The following LIPC variants were observed in gnomAD, a reference collection of about 807,000 sequenced individuals.
The protein encoded by LIPC is hepatic triacylglycerol lipase.
A neutral mutation model predicts 50.7 loss-of-function variants in LIPC; 44 were observed. That is an observed-to-expected ratio of 0.87 (90% CI 0.68 to 1.11). The LOEUF (loss-of-function observed/expected upper bound fraction) is 1.11, where lower values mean the gene tolerates loss of function less well. Ranked by LOEUF, LIPC falls within the 50% of genes most tolerant of loss-of-function variation. The pLI is 0.00. For synonymous variants in LIPC, 271 were observed against 256.4 expected (o/e 1.06, Z -0.54); for missense variants, 697 against 648.2 (o/e 1.08, Z -0.82).
chr15:58,519,938 A>G (rs889811523), intron 1 of LIPC, among the ~76,000 whole-genome samples: 3 of 152,110 alleles, frequency 2.0e-5, no homozygotes. Flanking sequence ...GCTCCTTGCT[A>G]TCTTTTATTC....
intron 1 of LIPC, among the ~76,000 whole-genome samples, chr15:58,510,127 T>C (rs568535409): frequency 6.6e-6 from 1 of 152,346 alleles, no homozygotes; most frequent in East Asian, 1.9e-4. Context: ...AACATGGTGC[T>C]AGGTACTGGG....
intron 1 of LIPC, among the ~76,000 whole-genome samples, chr15:58,482,567 A>G (rs1361944617): frequency 6.6e-6 from 1 of 152,148 alleles, no homozygotes; most frequent in African/African-American, 2.4e-5. Context: ...GTCCATGAAA[A>G]GCATATGGGT....
chr15:58,497,232 C>A (rs1429657568), intron 1 of LIPC, among the ~76,000 whole-genome samples: 1 of 152,144 alleles, frequency 6.6e-6, no homozygotes, highest in Non-Finnish European at 1.5e-5. Flanking sequence ...TCACCCCCGA[C>A]CGAATGACAA....
intron 1 of LIPC, among the ~76,000 whole-genome samples, chr15:58,506,843 A>G (rs947320599): frequency 4.6e-5 from 7 of 152,232 alleles, no homozygotes; most frequent in Non-Finnish European, 1.0e-4. Context: ...ACCCGAGACT[A>G]GGAAATTTAT....
chr15:58,449,837 C>A (rs1308305234), intron 1 of LIPC, among the ~76,000 whole-genome samples: 1 of 152,176 alleles, frequency 6.6e-6, no homozygotes. Context: ...AGCCACCATG[C>A]CCGGCCTTGG....
At position 58,533,113 on chromosome 15, in the gene LIPC, AG is replaced by A. The variant is rs1423303206; in HGVS notation, c.89-5219del. On this transcript the variant is annotated intron_variant, in intron 1 of 8. Transcript: ENST00000299022. ...TTAATATTCCTCCTCCTAAAACCAC[AG>A]TATCATCCCCAGATTCTTATCACTG... 5.1e-6 allele frequency: 5 copies of A among 972,518 alleles called. No individual in the cohort carries two copies. In the African/African-American group the frequency reaches 8.8e-5, roughly 17 times the overall value. The allele number at this position is 972,518 out of a possible 1,614,324, so 60.2% of individuals were successfully genotyped here.
intron 1 of LIPC, among the ~76,000 whole-genome samples, chr15:58,502,509 C>CTTTT (rs11332551): frequency 2.8e-5 from 4 of 144,534 alleles, no homozygotes; most frequent in East Asian, 2.0e-4. Flanking sequence ...GTAATTTTCT[C>CTTTT]TTTTTTTTTT....
chr15:58,550,580 G>A (rs1396063749), intron 6 of LIPC, among the ~76,000 whole-genome samples: 11 of 152,056 alleles, frequency 7.2e-5, no homozygotes, highest in African/African-American at 2.4e-4. Context: ...TCATCCATCC[G>A]TATATTCTTC....
chr15:58,501,543 G>C (rs1891985674), intron 1 of LIPC, among the ~76,000 whole-genome samples: 1 of 152,062 alleles, frequency 6.6e-6, no homozygotes, highest in Admixed American at 6.6e-5. Context: ...TGGGGAGGGA[G>C]AAAAGGGAAA....
intron 6 of LIPC, among the ~76,000 whole-genome samples, chr15:58,553,704 A>G (rs1322512590): frequency 6.6e-6 from 1 of 152,214 alleles, no homozygotes; most frequent in Non-Finnish European, 1.5e-5. Context: ...CCACGAAAAT[A>G]CCGACACATA....
Position 58,542,492 on chromosome 15 carries a change from A to G in LIPC, c.457-42A>G, listed in dbSNP as rs770594015. On this transcript the variant is annotated intron_variant, in intron 3 of 8. Coordinates refer to ENST00000299022, the MANE Select transcript of LIPC (RefSeq NM_000236.3). The stretch of plus-strand genomic sequence containing the variant: ...ACTGGACCGCAAAAGGCTTTCATCC[A>G]GGCAGCTCTTCTCCTGCCCCCATCC... The G allele has an allele frequency of 3.8e-6, 5 of 1,303,090 alleles. No individual in the cohort carries two copies. In the Admixed American group the frequency reaches 8.4e-5, roughly 22 times the overall value. The allele number at this position is 1,303,090 out of a possible 1,614,324, so 80.7% of individuals were successfully genotyped here.
intron 1 of LIPC, among the ~76,000 whole-genome samples, chr15:58,495,599 T>C (rs1891737745): frequency 6.6e-6 from 1 of 152,226 alleles, no homozygotes; most frequent in Non-Finnish European, 1.5e-5. Context: ...GTGGCTATTA[T>C]CATCTTCATT....
intron 1 of LIPC, among the ~76,000 whole-genome samples, chr15:58,491,009 G>T (rs1361695913): frequency 6.6e-6 from 1 of 152,190 alleles, no homozygotes; most frequent in Non-Finnish European, 1.5e-5. Flanking sequence ...TAGATTTCTA[G>T]ATTATAGCCT....
rs368130353 is a variant in LIPC at position 58,542,574 on chromosome 15, G to C, written c.497G>C (p.Gly166Ala). Residue 166 changes from glycine to alanine, a missense_variant, in exon 4 of 9, where the codon GGG becomes GCG. Transcript: ENST00000299022. ...TCTCGAAGCCATGTTCACCTAATTG[G>C]GTACAGCCTGGGTGCACACGTGTCA... Reference protein sequence around the residue: ...QLSRSHVHLIGYSLGAHVSGF... With the variant: ...QLSRSHVHLIAYSLGAHVSGF... 1.2e-5 allele frequency: 19 copies of C among 1,613,806 alleles called. No homozygotes were observed. The African/African-American group carries it at 1.7e-4, about 15-fold the overall frequency.
At chr15:58,458,243 A>G (rs1894207686) in intron 1 of LIPC, among the ~76,000 whole-genome samples, 1 of 152,128 alleles carries the variant, frequency 6.6e-6, no homozygotes, top group African/African-American at 2.4e-5. Flanking sequence ...AAATGAGGTC[A>G]TCAGGAAGTG....
chr15:58,492,889 C>T (rs966440163), intron 1 of LIPC, among the ~76,000 whole-genome samples: 1 of 152,118 alleles, frequency 6.6e-6, no homozygotes, highest in Non-Finnish European at 1.5e-5. Context: ...GGAGAGGGGG[C>T]CCTGGGCAAA....
intron 1 of LIPC, among the ~76,000 whole-genome samples, chr15:58,467,158 C>T (rs1203340229): frequency 6.6e-5 from 10 of 152,074 alleles, no homozygotes; most frequent in African/African-American, 2.2e-4. Flanking sequence ...GAAATAAATC[C>T]AGTAGACCAA....
intron 6 of LIPC, 58 bp from the exon 7 acceptor site, chr15:58,560,806 A>T: frequency 6.5e-6 from 5 of 765,924 alleles, no homozygotes; most frequent in South Asian, 6.0e-5. Context: ...AGAGATTTTT[A>T]AATTTAAAAT....
chr15:58,505,848 T>C (rs772893976), intron 1 of LIPC, among the ~76,000 whole-genome samples: 2 of 152,188 alleles, frequency 1.3e-5, no homozygotes, highest in East Asian at 1.9e-4. Flanking sequence ...CTGCTTTCAT[T>C]AGGGGACTGC....
Sources: allele counts gnomAD v4.1 joint callset (sites outside exome capture counted in the v4.1 genomes callset), GRCh38; gene constraint gnomAD v4.1.1; transcripts MANE v1.5; gene names NCBI Gene and HGNC (gene_info 2026-07-23, HGNC 2026-07-21).